GALNT1: variants seen among roughly 807,000 people sequenced by gnomAD.
GALNT1 encodes the protein polypeptide N-acetylgalactosaminyltransferase 1.
A neutral mutation model predicts 65.7 loss-of-function variants in GALNT1; 17 were observed. That is an observed-to-expected ratio of 0.26 (90% confidence interval 0.18 to 0.39). The LOEUF is 0.39. Ranked by LOEUF, GALNT1 falls within the 10% of genes least tolerant of loss-of-function variation. The pLI is 1.00. For missense variants in GALNT1, 460 were observed against 672.8 expected (o/e 0.68, Z 3.50); for synonymous variants, 210 against 219.7 (o/e 0.96, Z 0.39).
intron 8 of GALNT1, among the ~76,000 whole-genome samples, chr18:35,691,764 G>A (rs1165381968): frequency 6.6e-6 from 1 of 152,174 alleles, no homozygotes; most frequent in Non-Finnish European, 1.5e-5. Flanking sequence ...GCCTGACATT[G>A]TTACTAGTCC....
chr18:35,599,214 T>A (rs777812398), intron 1 of GALNT1, among the ~76,000 whole-genome samples: 2 of 152,060 alleles, frequency 1.3e-5, no homozygotes, highest in African/African-American at 2.4e-5. Context: ...CAGAAGCTTT[T>A]TAGCTTGATG....
At chr18:35,676,467 A>G (rs951513288) in intron 3 of GALNT1, among the ~76,000 whole-genome samples, 4 of 152,088 alleles carry the variant, frequency 2.6e-5, no homozygotes, top group Admixed American at 6.6e-5. Context: ...TTTTCTTCCA[A>G]CTGCCAACTG....
intron 3 of GALNT1, among the ~76,000 whole-genome samples, chr18:35,668,011 A>T (rs1042313535): frequency 6.6e-6 from 1 of 152,204 alleles, no homozygotes; most frequent in Non-Finnish European, 1.5e-5. Context: ...AAAGTTGATG[A>T]TGTGAATGCT....
chr18:35,609,917 CT>C (rs2046695886), intron 1 of GALNT1, among the ~76,000 whole-genome samples: 1 of 152,032 alleles, frequency 6.6e-6, no homozygotes, highest in Admixed American at 6.6e-5. Flanking sequence ...ACATTTGATC[CT>C]TTTAGATCGA....
At chr18:35,624,501 A>G (rs2046892388) in intron 1 of GALNT1, among the ~76,000 whole-genome samples, 1 of 152,216 alleles carries the variant, frequency 6.6e-6, no homozygotes, top group African/African-American at 2.4e-5. Flanking sequence ...CTTTTTAAAA[A>G]AAATCCAGTT....
chr18:35,630,598 G>T (rs2046992799), intron 1 of GALNT1, among the ~76,000 whole-genome samples: 1 of 152,202 alleles, frequency 6.6e-6, no homozygotes, highest in Non-Finnish European at 1.5e-5. Flanking sequence ...ACAAGAGAAA[G>T]CAGGAAAGAT....
chr18:35,587,233 G>A (rs1191899089), intron 1 of GALNT1, among the ~76,000 whole-genome samples: 5 of 152,044 alleles, frequency 3.3e-5, no homozygotes, highest in Non-Finnish European at 7.4e-5. Flanking sequence ...CTACTTATTA[G>A]TTCTAGGAGT....
At chr18:35,649,620 T>G (rs2047283576) in intron 1 of GALNT1, among the ~76,000 whole-genome samples, 1 of 152,074 alleles carries the variant, frequency 6.6e-6, no homozygotes, top group East Asian at 1.9e-4. Flanking sequence ...TCCAGTTTAT[T>G]TTTTTTAATG....
At chr18:35,648,023 AGAG>A (rs888361496) in intron 1 of GALNT1, among the ~76,000 whole-genome samples, 17 of 145,628 alleles carry the variant, frequency 1.2e-4, no homozygotes, top group Non-Finnish European at 2.4e-4. Context: ...AAAAACAAAA[AGAG>A]AAGAAGAAGA....
rs963543592 is a variant in GALNT1, at chr18:35,699,607, T to C, written c.1300-3290T>C. Among the ~76,000 whole-genome samples, 143 of 152,336 alleles carry C rather than the reference T, an allele frequency of 9.4e-4. 1 individual carries two copies. Among genetic ancestry groups the C allele is most frequent in the African/African-American group, 3.0e-3 (124 of 41,582 alleles). ...AGAGTGGGAGACTCCAGAAAGAATC[T>C]AGCCCATTTGTTCCTTAAACTTCAA... is the stretch of plus-strand genomic sequence containing the variant. On this transcript the variant is annotated intron_variant, in intron 9 of 11. Coordinates refer to ENST00000269195, the MANE Select transcript of GALNT1 (RefSeq NM_020474.4).
At chr18:35,686,444 C>T (rs1411840720) in intron 5 of GALNT1, among the ~76,000 whole-genome samples, 3 of 152,152 alleles carry the variant, frequency 2.0e-5, no homozygotes, top group African/African-American at 7.2e-5. Context: ...CCTTACTAGG[C>T]GTCAAGACTT....
intron 2 of GALNT1, among the ~76,000 whole-genome samples, chr18:35,659,294 T>C (rs2047442948): frequency 6.6e-6 from 1 of 152,212 alleles, no homozygotes; most frequent in Non-Finnish European, 1.5e-5. Context: ...GTTGTTGATA[T>C]GCTGTACTTA....
At chr18:35,637,497 G>A (rs56339361) in intron 1 of GALNT1, among the ~76,000 whole-genome samples, 15,488 of 152,224 alleles carry the variant, frequency 0.1, 1,012 homozygotes, top group African/African-American at 0.19. Context: ...ATCAAGAGCA[G>A]GGCCCTAACT....
At chr18:35,599,366 C>CTT (rs60191738) in intron 1 of GALNT1, among the ~76,000 whole-genome samples, 1,651 of 122,710 alleles carry the variant, frequency 0.013, 38 homozygotes, top group East Asian at 0.046. Flanking sequence ...GAGATTTACA[C>CTT]TTTTTTTTTT....
At chr18:35,638,355 T>G (rs2047119241) in intron 1 of GALNT1, among the ~76,000 whole-genome samples, 1 of 152,142 alleles carries the variant, frequency 6.6e-6, no homozygotes, top group Non-Finnish European at 1.5e-5. Context: ...GTAGCAGCTG[T>G]GGCCCTGACA....
intron 1 of GALNT1, among the ~76,000 whole-genome samples, chr18:35,636,081 C>T (rs1311566828): frequency 6.6e-6 from 1 of 152,062 alleles, no homozygotes; most frequent in Non-Finnish European, 1.5e-5. Flanking sequence ...CTAGTTGAAA[C>T]CTGCTTTATG....
chr18:35,622,395 G>C (rs913604754), intron 1 of GALNT1, among the ~76,000 whole-genome samples: 2 of 152,060 alleles, frequency 1.3e-5, no homozygotes, highest in Non-Finnish European at 2.9e-5. Flanking sequence ...GGGACTATAA[G>C]CACATGCCAC....
chr18:35,686,909 T>G lies in GALNT1; in HGVS notation c.690-107T>G, dbSNP rs565408401. On this transcript the variant is annotated intron_variant, in intron 5 of 11. Transcript: ENST00000269195. ...GGTGACAGAGTAGTGATACCCTGTT[T>G]CAAGGGAAAAAATAAAAAATAAAAA... The G allele has an allele frequency of 5.3e-6, 6 of 1,134,716 alleles. No individual in the cohort carries two copies. In the African/African-American group the frequency reaches 9.5e-5, roughly 18 times the overall value. The allele number at this position is 1,134,716 out of a possible 1,614,324, so 70.3% of individuals were successfully genotyped here.
At chr18:35,682,932 A>G (rs1205969138) in intron 4 of GALNT1, among the ~76,000 whole-genome samples, 1 of 138,222 alleles carries the variant, frequency 7.2e-6, no homozygotes, top group Admixed American at 7.4e-5. Context: ...AAAAAAAAGT[A>G]TAGTCAAAGA....
Sources: gnomAD v4.1 joint callset for allele counts (sites outside exome capture counted in the v4.1 genomes callset) on GRCh38, gnomAD v4.1.1 for gene constraint, MANE v1.5 for transcripts, NCBI Gene and HGNC (gene_info 2026-07-23, HGNC 2026-07-21) for gene names.